ANKS1A: variants seen among roughly 807,000 people sequenced by gnomAD.
ANKS1A encodes ankyrin repeat and sterile alpha motif domain containing 1A.
Under a neutral mutation model 120.3 loss-of-function variants are expected in ANKS1A, and 55 were observed. The ratio of observed to expected loss-of-function variants is 0.46; its 90% CI spans 0.37 to 0.57. The LOEUF is 0.57. ANKS1A is among the 20% of genes least tolerant of loss of function. The pLI is 0.00. For missense variants in ANKS1A, 1,123 were observed against 1,480.3 expected, an observed-to-expected ratio of 0.76 and a Z score of 3.96; for synonymous variants, 590 against 604.7, an observed-to-expected ratio of 0.98 and a Z score of 0.36.
chr6:35,025,828 A>G (rs1774596714), intron 11 of ANKS1A, among the ~76,000 whole-genome samples: 1 of 151,526 alleles, frequency 6.6e-6, no homozygotes, highest in Non-Finnish European at 1.5e-5. Context: ...CCACATTTCT[A>G]TTCTGCACCA....
intron 8 of ANKS1A, among the ~76,000 whole-genome samples, chr6:34,985,493 T>C (rs1772148505): frequency 6.6e-6 from 1 of 152,268 alleles, no homozygotes; most frequent in South Asian, 2.1e-4. Flanking sequence ...AGTTTCATTT[T>C]TTCTAGTTTC....
chr6:35,025,647 A>T (rs970619687), intron 11 of ANKS1A, among the ~76,000 whole-genome samples: 7 of 150,542 alleles, frequency 4.6e-5, no homozygotes. Flanking sequence ...CTTTTCTTCT[A>T]TGCTTTTTTG....
At chr6:34,997,162 A>AAC (rs1772898889) in intron 10 of ANKS1A, among the ~76,000 whole-genome samples, 1 of 151,628 alleles carries the variant, frequency 6.6e-6, no homozygotes, top group Non-Finnish European at 1.5e-5. Flanking sequence ...AAGAATTGAT[A>AAC]ACTATATTGA....
intron 1 of ANKS1A, among the ~76,000 whole-genome samples, chr6:34,957,189 G>C (rs972862288): frequency 7.9e-5 from 12 of 152,174 alleles, no homozygotes; most frequent in African/African-American, 2.9e-4. Flanking sequence ...GGGTTCAGGA[G>C]AGAGCAGAAA....
At chr6:35,065,794 T>C (rs1215450419) in intron 13 of ANKS1A, among the ~76,000 whole-genome samples, 1 of 152,186 alleles carries the variant, frequency 6.6e-6, no homozygotes, top group Non-Finnish European at 1.5e-5. Flanking sequence ...CATTCAACCA[T>C]AGGCTGAGAA....
At position 34,981,768 on chromosome 6, in the gene ANKS1A, C is replaced by T. The variant is rs1303557836; in HGVS notation, c.514C>T (p.Leu172=). The T allele has an allele frequency of 6.2e-7, 1 of 1,614,054 alleles. No individual in the cohort carries two copies. The highest frequency in any genetic ancestry group is 8.5e-7 in the Non-Finnish European group (1 of 1,180,038). Residue 172 remains leucine, a synonymous_variant, in exon 4 of 24, where the codon CTG becomes TTG. Transcript: ENST00000360359. ...GGTGGTGAAGGTGCTCTTAGAGGAG[C>T]TGACGGACCCCACCATGCGCAACAA... is the stretch of plus-strand genomic sequence containing the variant. ...TEVVKVLLEE[L]TDPTMRNNKF...
rs535245181 is a variant in ANKS1A, at chr6:34,969,049, T to C, written c.279-961T>C. Among the ~76,000 whole-genome samples the C allele has an allele frequency of 1.8e-3, 271 of 152,360 alleles. 1 individual carries two copies. Among genetic ancestry groups the C allele is most frequent in the Middle Eastern group, 6.8e-3 (2 of 294 alleles). The stretch of plus-strand genomic sequence containing the variant: ...AATTAAAGTGAATCTTGAACTTAAA[T>C]GACTATAGTTTGTTAGCCAAGTTCA... On this transcript the variant is annotated intron_variant, in intron 2 of 23. Transcript: ENST00000360359.
At chr6:34,909,923 C>T (rs182986233) in intron 1 of ANKS1A, among the ~76,000 whole-genome samples, 3 of 152,212 alleles carry the variant, frequency 2.0e-5, no homozygotes. Flanking sequence ...TGCATTGAGA[C>T]GACTGCAGGT....
At chr6:34,925,470 A>ATGT (rs1768665966) in intron 1 of ANKS1A, among the ~76,000 whole-genome samples, 1 of 152,126 alleles carries the variant, frequency 6.6e-6, no homozygotes, top group Non-Finnish European at 1.5e-5. Context: ...GAGGAGCATA[A>ATGT]ACTGTTGGAC....
chr6:34,992,260 C>G (rs1390703590), intron 9 of ANKS1A, among the ~76,000 whole-genome samples: 2 of 152,186 alleles, frequency 1.3e-5, no homozygotes, highest in Non-Finnish European at 2.9e-5. Context: ...ACCGGGTGCT[C>G]TCTGGCTGTT....
At chr6:34,924,074 A>G (rs1461801412) in intron 1 of ANKS1A, among the ~76,000 whole-genome samples, 7 of 148,728 alleles carry the variant, frequency 4.7e-5, no homozygotes, top group African/African-American at 1.8e-4. Flanking sequence ...TTGACATAGA[A>G]TAGAGGGGGC....
intron 2 of ANKS1A, among the ~76,000 whole-genome samples, chr6:34,968,345 G>A (rs750860482): frequency 5.9e-5 from 9 of 152,212 alleles, no homozygotes; most frequent in Admixed American, 1.3e-4. Context: ...TTGCCAGGAT[G>A]TTGAAGAATG....
At chr6:35,052,670 G>A (rs1776030317) in intron 11 of ANKS1A, among the ~76,000 whole-genome samples, 1 of 151,464 alleles carries the variant, frequency 6.6e-6, no homozygotes. Context: ...GCTTTGGGAG[G>A]TCTGGGGAGT....
chr6:35,065,840 G>A (rs972332512), intron 13 of ANKS1A, among the ~76,000 whole-genome samples: 1 of 152,218 alleles, frequency 6.6e-6, no homozygotes, highest in Non-Finnish European at 1.5e-5. Context: ...GTTCGGCTCT[G>A]TGCACTGGCT....
At chr6:34,929,997 T>G (rs914527992) in intron 1 of ANKS1A, among the ~76,000 whole-genome samples, 4 of 152,152 alleles carry the variant, frequency 2.6e-5, no homozygotes, top group African/African-American at 9.7e-5. Context: ...ACATCTGAAA[T>G]TCATGAATGG....
chr6:35,031,784 T>C (rs914571501), intron 11 of ANKS1A, among the ~76,000 whole-genome samples: 3 of 152,216 alleles, frequency 2.0e-5, no homozygotes, highest in African/African-American at 7.2e-5. Context: ...CTCCTTAGCC[T>C]GGAGTGCATG....
rs1478782097 is a variant in ANKS1A at position 35,088,952 on chromosome 6, A to G, written c.*343A>G. 7.9e-7 allele frequency: 1 copy of G among 1,259,174 alleles called. No homozygotes were observed. The highest frequency in any genetic ancestry group is 1.5e-5 in the African/African-American group (1 of 65,822). The allele number at this position is 1,259,174 out of a possible 1,614,324, so 78.0% of individuals were successfully genotyped here. A position where few individuals can be genotyped will look rare whatever the true frequency, so the allele number is the denominator to read the frequency against. On this transcript the variant is annotated 3_prime_UTR_variant, in exon 24 of 24. Coordinates refer to ENST00000360359, the MANE Select transcript of ANKS1A (RefSeq NM_015245.3). ...CTCAAACCTCTAGGTCATACTGCCA[A>G]TCTTTAGACAAATGGCCATGGGGCA... is the stretch of plus-strand genomic sequence containing the variant.
rs1044896084 is a variant in ANKS1A at position 35,060,773 on chromosome 6, T to G, written c.2184+520T>G. Among the ~76,000 whole-genome samples the G allele has an allele frequency of 7.9e-5, 12 of 152,130 alleles. No homozygotes were observed. Among genetic ancestry groups the G allele is most frequent in the African/African-American group, 2.9e-4 (12 of 41,418 alleles). ...TTGATGGCCTGGAGGATTGGTTGCT[T>G]CTTTGAGAAGCTCTCTCACAAAACA... On this transcript the variant is annotated intron_variant, in intron 13 of 23. Transcript: ENST00000360359. The surrounding 1 kb of genome is among the most constrained non-coding windows in gnomAD (Gnocchi z 4.5).
Position 34,982,055 on chromosome 6 carries a change from A to G in ANKS1A, c.732+69A>G. On this transcript the variant is annotated intron_variant, in intron 4 of 23. Coordinates refer to ENST00000360359, the MANE Select transcript of ANKS1A (RefSeq NM_015245.3). This position sits in a 1 kb window ranked among gnomAD's most constrained non-coding sequence, Gnocchi z 4.9. ...TCATTTTGCAGAAGGCACAAGGACCATGCTGCTGGGCTGTGCTCTTTATTT... is the reference window on the plus strand; with the variant it reads ...TCATTTTGCAGAAGGCACAAGGACCGTGCTGCTGGGCTGTGCTCTTTATTT... The G allele has an allele frequency of 6.4e-7, 1 of 1,561,760 alleles. No individual in the cohort carries two copies. Among genetic ancestry groups the G allele is most frequent in the Non-Finnish European group, 8.7e-7 (1 of 1,149,116 alleles).
Sources: gnomAD v4.1 joint callset for allele counts (sites outside exome capture counted in the v4.1 genomes callset) on GRCh38, gnomAD v4.1.1 for gene constraint, Gnocchi (gnomAD v3.1) non-coding constraint, MANE v1.5 for transcripts, NCBI Gene and HGNC (gene_info 2026-07-23, HGNC 2026-07-21) for gene names.